SCLT1: variants seen among roughly 807,000 people sequenced by gnomAD.
The protein encoded by SCLT1 is sodium channel and clathrin linker 1.
In SCLT1, 78 loss-of-function variants were observed where a neutral mutation model predicts 112.8. That is an observed-to-expected ratio of 0.69 (90% CI 0.58 to 0.83). The LOEUF is 0.83. SCLT1 is among the 40% of genes least tolerant of loss of function. The pLI, the probability that SCLT1 is intolerant of heterozygous loss-of-function variation, is 0.00. For missense variants in SCLT1, 747 were observed against 770.4 expected, an observed-to-expected ratio of 0.97 and a Z score of 0.36; for synonymous variants, 257 against 254.7, an observed-to-expected ratio of 1.01 and a Z score of -0.09.
At chr4:129,010,173 G>C (rs1229436102) in intron 5 of SCLT1, among the ~76,000 whole-genome samples, 1 of 152,118 alleles carries the variant, frequency 6.6e-6, no homozygotes, top group Non-Finnish European at 1.5e-5. Flanking sequence ...TTATTGAATA[G>C]GAGTCCTTTC....
chr4:128,970,414 A>G lies in SCLT1; in HGVS notation c.741T>C (p.Asn247=). The change falls in exon 10 of 21, where the codon AAT becomes AAC. Residue 247 remains asparagine, a synonymous_variant. Transcript: ENST00000281142. ...TCTGTCCCTGCAGATCTTCAGTCACATTAGTTAACTCTTCCACTTTTGCTA... is the reference window on the plus strand; with the variant it reads ...TCTGTCCCTGCAGATCTTCAGTCACGTTAGTTAACTCTTCCACTTTTGCTA... The part of the protein sequence containing the change: ...VAVAKVEELT[N]VTEDLQGQMK... 1 of 1,609,066 alleles carries G rather than the reference A, an allele frequency of 6.2e-7. No homozygotes were observed. The highest frequency in any genetic ancestry group is 8.5e-7 in the Non-Finnish European group (1 of 1,175,930).
intron 9 of SCLT1, chr4:128,972,486 C>G (rs1330963350): frequency 6.7e-6 from 1 of 150,214 alleles, no homozygotes; most frequent in Non-Finnish European, 1.5e-5. Context: ...ATGTGGAGAA[C>G]ACTACAGGCA....
At chr4:128,961,270 G>T (rs1398650217) in intron 11 of SCLT1, among the ~76,000 whole-genome samples, 2 of 151,948 alleles carry the variant, frequency 1.3e-5, no homozygotes, top group South Asian at 2.1e-4. Flanking sequence ...TGTAAGAGAA[G>T]AGTCCAATTT....
downstream of SCLT1, among the ~76,000 whole-genome samples, chr4:128,882,666 G>C (rs754479018): frequency 1.1e-4 from 16 of 152,144 alleles, no homozygotes; most frequent in Admixed American, 3.3e-4. Flanking sequence ...TACTCTGTTG[G>C]GGGGAAGATG....
intron 2 of SCLT1, among the ~76,000 whole-genome samples, chr4:129,055,503 C>G (rs1749276777): frequency 6.6e-6 from 1 of 152,172 alleles, no homozygotes; most frequent in African/African-American, 2.4e-5. Flanking sequence ...GAGAGGCATT[C>G]TGGCCACAGC....
At chr4:128,898,540 T>G (rs1733981646) in intron 18 of SCLT1, among the ~76,000 whole-genome samples, 1 of 151,718 alleles carries the variant, frequency 6.6e-6, no homozygotes, top group Non-Finnish European at 1.5e-5. Flanking sequence ...AGAGGGAAAT[T>G]TATAGCACTA....
intron 18 of SCLT1, among the ~76,000 whole-genome samples, chr4:128,907,736 C>T (rs560094061): frequency 2.8e-4 from 22 of 78,998 alleles, no homozygotes; most frequent in African/African-American, 1.4e-3. Flanking sequence ...ATATCCTAAC[C>T]CATATTGAAA....
chr4:128,945,629 T>A (rs981725863), intron 16 of SCLT1, among the ~76,000 whole-genome samples: 19 of 151,936 alleles, frequency 1.3e-4, no homozygotes, highest in African/African-American at 4.6e-4. Context: ...TTATAGATAA[T>A]AAAATATACA....
At chr4:128,988,405 A>G (rs1192680927) in intron 9 of SCLT1, among the ~76,000 whole-genome samples, 1 of 152,062 alleles carries the variant, frequency 6.6e-6, no homozygotes, top group Non-Finnish European at 1.5e-5. Flanking sequence ...ATCAGAGTTA[A>G]GTTGTCATCA....
intron 5 of SCLT1, among the ~76,000 whole-genome samples, chr4:129,022,481 C>T (rs3980331): frequency 0.28 from 41,826 of 151,982 alleles, 6,060 homozygotes; most frequent in South Asian, 0.35. Flanking sequence ...AAACACAGCA[C>T]GAGAACTTAG....
At chr4:128,894,771 C>T (rs1389208419) in intron 18 of SCLT1, among the ~76,000 whole-genome samples, 6 of 152,002 alleles carry the variant, frequency 3.9e-5, no homozygotes, top group African/African-American at 7.2e-5. Context: ...CTCCGCCTCC[C>T]GCTTCAAGTG....
intron 18 of SCLT1, among the ~76,000 whole-genome samples, chr4:128,935,746 T>C (rs1182667338): frequency 6.6e-6 from 1 of 152,114 alleles, no homozygotes; most frequent in Non-Finnish European, 1.5e-5. Context: ...TCAGTCTCTC[T>C]CAGTGGAATA....
intron 17 of SCLT1, among the ~76,000 whole-genome samples, chr4:128,937,627 T>C (rs928598400): frequency 6.6e-6 from 1 of 152,228 alleles, no homozygotes; most frequent in South Asian, 2.1e-4. Flanking sequence ...TACAGGAATT[T>C]CTTTACCACT....
chr4:128,943,387 T>C (rs780322356), intron 16 of SCLT1, among the ~76,000 whole-genome samples, 199 bp from the exon 17 acceptor site: 43 of 152,154 alleles, frequency 2.8e-4, no homozygotes, highest in Non-Finnish European at 5.0e-4. Context: ...TATTCAAATT[T>C]TAACTAAGAA....
intron 9 of SCLT1, among the ~76,000 whole-genome samples, chr4:128,985,321 T>C (rs1231433188): frequency 5.3e-5 from 8 of 152,202 alleles, no homozygotes; most frequent in Admixed American, 4.6e-4. Flanking sequence ...GATATATCCA[T>C]ATACATATAT....
chr4:128,947,296 T>C (rs1738254985), intron 15 of SCLT1, among the ~76,000 whole-genome samples: 1 of 152,190 alleles, frequency 6.6e-6, no homozygotes, highest in East Asian at 1.9e-4. Context: ...CAAACCCTGA[T>C]GTGTAACAGG....
chr4:129,016,485 T>C (rs1745007513), intron 5 of SCLT1, among the ~76,000 whole-genome samples: 1 of 152,232 alleles, frequency 6.6e-6, no homozygotes, highest in Non-Finnish European at 1.5e-5. Flanking sequence ...TTACTGCCTA[T>C]TATTTCTAAT....
intron 4 of SCLT1, among the ~76,000 whole-genome samples, chr4:128,875,997 C>T (rs895794027): frequency 7.2e-5 from 11 of 152,154 alleles, no homozygotes; most frequent in Non-Finnish European, 1.0e-4. Context: ...GGCCTACACT[C>T]TCATTCTCAT....
intron 5 of SCLT1, among the ~76,000 whole-genome samples, chr4:129,014,746 T>C (rs1744841287): frequency 6.6e-6 from 1 of 152,198 alleles, no homozygotes; most frequent in Non-Finnish European, 1.5e-5. Context: ...TCAGCCAAAG[T>C]GTTTCATAGT....
Sources: gnomAD v4.1 joint callset for allele counts (sites outside exome capture counted in the v4.1 genomes callset) on GRCh38, gnomAD v4.1.1 for gene constraint, MANE v1.5 for transcripts, NCBI Gene and HGNC (gene_info 2026-07-23, HGNC 2026-07-21) for gene names.